Variants in LITAF observed in about 807,000 individuals in gnomAD.
LITAF encodes the protein lipopolysaccharide-induced tumor necrosis factor-alpha factor.
LITAF carries 9 observed loss-of-function variants against 14.5 expected under a neutral mutation model. The ratio of observed to expected loss-of-function variants is 0.62; its 90% CI spans 0.37 to 1.08. The LOEUF is 1.08. Among genes scored for constraint, LITAF ranks in the 50% least tolerant of loss-of-function variants. LITAF has a pLI of 0.01. For synonymous variants in LITAF, 98 were observed against 88.2 expected, an observed-to-expected ratio of 1.11 and a Z score of -0.62; for missense variants, 206 against 213.4, an observed-to-expected ratio of 0.97 and a Z score of 0.22.
At chr16:11,611,234 T>G (rs1168578093) in intron 3 of LITAF, among the ~76,000 whole-genome samples, 1 of 151,840 alleles carries the variant, frequency 6.6e-6, no homozygotes, top group Non-Finnish European at 1.5e-5. Context: ...TCCCAGCAAC[T>G]CGGGAGGCTG....
chr16:11,562,162 C>A (rs1396105444), intron 1 of LITAF, among the ~76,000 whole-genome samples: 3 of 151,646 alleles, frequency 2.0e-5, no homozygotes, highest in African/African-American at 7.3e-5. Context: ...CTCAAGTGAT[C>A]CTCCTGCCTC....
upstream of LITAF, among the ~76,000 whole-genome samples, chr16:11,591,582 G>GGAGT (rs57219367): frequency 0.42 from 63,711 of 151,728 alleles, 14,473 homozygotes; most frequent in African/African-American, 0.6. Context: ...AATAAAATTG[G>GGAGT]GAGTCTACAT....
At chr16:11,593,122 G>C (rs979663020) in intron 1 of LITAF, among the ~76,000 whole-genome samples, 22 of 152,100 alleles carry the variant, frequency 1.4e-4, no homozygotes, top group African/African-American at 4.1e-4. Context: ...AGTGAGCGGA[G>C]ATTGCGCCAC....
intron 3 of LITAF, among the ~76,000 whole-genome samples, chr16:11,552,973 G>A (rs1352772045): frequency 6.6e-6 from 1 of 151,748 alleles, no homozygotes; most frequent in East Asian, 1.9e-4. Context: ...ATATTAGCCG[G>A]GCCTGACGGT....
At position 11,548,169 on chromosome 16, in the gene LITAF, G is replaced by A. The variant is rs1290756676; in HGVS notation, c.*1468C>T. ...AACCAATATACAGATGTTCGCTCAA[G>A]GTCTAGGTTTTATTTCTACATAGTA... On this transcript the variant is annotated 3_prime_UTR_variant, in exon 4 of 4. Coordinates refer to ENST00000622633, the MANE Select transcript of LITAF (RefSeq NM_001136472.2). The A allele has an allele frequency of 2.2e-6, 1 of 454,102 alleles. No homozygotes were observed. The highest frequency in any genetic ancestry group is 2.3e-5 in the Admixed American group (1 of 42,576). 28.1% of individuals were successfully genotyped at this position (454,102 alleles called of 1,614,324 possible).
At chr16:11,569,841 T>C (rs1489880933) in intron 1 of LITAF, among the ~76,000 whole-genome samples, 1 of 152,152 alleles carries the variant, frequency 6.6e-6, no homozygotes, top group Non-Finnish European at 1.5e-5. Context: ...AAGACCAGCC[T>C]GGCCAACATG....
At chr16:11,622,976 T>G (rs938661916) in intron 3 of LITAF, among the ~76,000 whole-genome samples, 8 of 149,656 alleles carry the variant, frequency 5.3e-5, no homozygotes, top group Middle Eastern at 6.5e-3. Flanking sequence ...ATATATAATT[T>G]TTTTTTTGAA....
At chr16:11,554,291 A>G (rs1397055058) in intron 2 of LITAF, among the ~76,000 whole-genome samples, 1 of 152,142 alleles carries the variant, frequency 6.6e-6, no homozygotes, top group Non-Finnish European at 1.5e-5. Flanking sequence ...CTTGATAAAT[A>G]ATCCACTCTC....
upstream of LITAF, among the ~76,000 whole-genome samples, chr16:11,637,938 C>CTATATATCTATATATATCTA (rs1462846309): frequency 1.3e-5 from 1 of 74,788 alleles, no homozygotes; most frequent in Non-Finnish European, 2.3e-5. Flanking sequence ...ATATCTATAT[C>CTATATATCTATATATATCTA]TATATATCTA....
At chr16:11,627,457 C>A (rs1169920074) in intron 3 of LITAF, among the ~76,000 whole-genome samples, 1 of 152,254 alleles carries the variant, frequency 6.6e-6, no homozygotes, top group Admixed American at 6.5e-5. Flanking sequence ...TTCCCAGTGA[C>A]ACAATACATT....
intron 1 of LITAF, among the ~76,000 whole-genome samples, chr16:11,576,234 C>T (rs545385618): frequency 5.3e-5 from 8 of 151,944 alleles, no homozygotes; most frequent in South Asian, 2.1e-4. Context: ...TTTGGGAGGC[C>T]GAGGCGGGTG....
intron 3 of LITAF, among the ~76,000 whole-genome samples, chr16:11,631,136 G>A (rs527836042): frequency 2.0e-5 from 3 of 152,150 alleles, no homozygotes; most frequent in Non-Finnish European, 4.4e-5. Context: ...TAACCAGGTC[G>A]CCATGGGGTA....
chr16:11,621,945 A>G (rs9933049), intron 3 of LITAF, among the ~76,000 whole-genome samples: 1,712 of 152,244 alleles, frequency 0.011, 41 homozygotes, highest in African/African-American at 0.039. Context: ...CATTTTTTTC[A>G]AAAGAAACCA....
At position 11,549,825 on chromosome 16, in the gene LITAF, C is replaced by A. The variant is rs897742547; in HGVS notation, c.378-80G>T. 5 of 1,104,570 alleles carry A rather than the reference C, an allele frequency of 4.5e-6. No individual in the cohort carries two copies. Among genetic ancestry groups the A allele is most frequent in the Non-Finnish European group, 6.8e-6 (5 of 738,690 alleles). The allele number at this position is 1,104,570 out of a possible 1,614,324, so 68.4% of individuals were successfully genotyped here. ...CTGGCTGCCAAAACCATGTTCATGT[C>A]CTTCTTTGTAAAAAGGGTCTTTGCC... On this transcript the variant is annotated intron_variant, in intron 3 of 3. Transcript: ENST00000622633. The surrounding 1 kb of genome is among the most constrained non-coding windows in gnomAD (Gnocchi z 4.6).
chr16:11,564,344 C>A (rs555389256), intron 1 of LITAF, among the ~76,000 whole-genome samples: 2 of 152,260 alleles, frequency 1.3e-5, no homozygotes, highest in South Asian at 4.1e-4. Flanking sequence ...TGGAAATAAA[C>A]TCCACGAGGG....
intron 3 of LITAF, among the ~76,000 whole-genome samples, chr16:11,612,184 G>A (rs1033785619): frequency 3.3e-5 from 5 of 152,174 alleles, no homozygotes; most frequent in Non-Finnish European, 5.9e-5. Context: ...TGCCCACACC[G>A]CCAAAGCTCA....
chr16:11,561,130 T>A (rs2064357426), intron 1 of LITAF: 1 of 152,198 alleles, frequency 6.6e-6, no homozygotes, highest in Non-Finnish European at 1.5e-5. Flanking sequence ...GAAAACTGAC[T>A]CGTATAAAAA....
At chr16:11,562,076 A>C (rs896842740) in intron 1 of LITAF, among the ~76,000 whole-genome samples, 1 of 151,604 alleles carries the variant, frequency 6.6e-6, no homozygotes, top group Non-Finnish European at 1.5e-5. Context: ...GTGTCACCAT[A>C]CCTGGCTATA....
At chr16:11,601,217 T>C (rs1179805584), upstream of LITAF, among the ~76,000 whole-genome samples, 1 of 148,306 alleles carries the variant, frequency 6.7e-6, no homozygotes, top group Non-Finnish European at 1.5e-5. Context: ...GTCTGGAGGG[T>C]TTCCACAAAT....
Sources: allele counts gnomAD v4.1 joint callset (sites outside exome capture counted in the v4.1 genomes callset), GRCh38; gene constraint gnomAD v4.1.1; non-coding constraint Gnocchi (gnomAD v3.1); transcripts MANE v1.5; gene names NCBI Gene and HGNC (gene_info 2026-07-23, HGNC 2026-07-21).